The following ARF5 variants were observed in gnomAD, a reference collection of about 807,000 sequenced individuals.
ARF5 encodes the protein ADP-ribosylation factor 5.
Under a neutral mutation model 24.8 loss-of-function variants are expected in ARF5, and 10 were observed. The observed-to-expected ratio is 0.40, with a 90% CI of 0.25 to 0.68. ARF5 has a LOEUF of 0.68. Ranked by LOEUF, ARF5 falls within the 30% of genes least tolerant of loss-of-function variation. The pLI, the probability that ARF5 is intolerant of heterozygous loss-of-function variation, is 0.36. For missense variants in ARF5, 135 were observed against 239.2 expected, an observed-to-expected ratio of 0.56 and a Z score of 2.87; for synonymous variants, 102 against 95.1, an observed-to-expected ratio of 1.07 and a Z score of -0.42.
chr7:127,589,978 C>T, intron 3 of ARF5, 88 bp from the exon 4 acceptor site: 1 of 1,175,998 alleles, frequency 8.5e-7, no homozygotes, highest in East Asian at 2.3e-5. Flanking sequence ...GACACAATTA[C>T]AAATGGGAAG....
chr7:127,589,026 G>C (rs998980511), intron 1 of ARF5, 57 bp from the exon 2 acceptor site: 2 of 1,590,998 alleles, frequency 1.3e-6, no homozygotes, highest in African/African-American at 2.7e-5. Flanking sequence ...CCCTTTCCCT[G>C]GTCTCTAGGG....
At position 127,589,134 on chromosome 7, in the gene ARF5, G is replaced by T. The variant is rs1303907072; in HGVS notation, c.119G>T (p.Gly40Val). 1.9e-6 allele frequency: 3 copies of T among 1,614,110 alleles called. No homozygotes were observed. The Admixed American group carries it at 5.0e-5, about 27-fold the overall frequency. Residue 40 changes from glycine to valine, a missense_variant, in exon 2 of 6, where the codon GGG (glycine) becomes GTG (valine). Transcript: ENST00000000233. ...KTTILYKLKL[G>V]EIVTTIPTIG... ...ACAATCCTGTACAAACTGAAGTTGG[G>T]GGAGATTGTCACCACCATCCCAACC...
chr7:127,588,900 C>T (rs999161372), intron 1 of ARF5, 183 bp from the exon 2 acceptor site: 2 of 692,776 alleles, frequency 2.9e-6, no homozygotes, highest in African/African-American at 3.6e-5. Flanking sequence ...TCCGCGCCCT[C>T]TTTGGAGTTG....
Position 127,588,580 on chromosome 7 carries a change from G to A in ARF5, c.67+15G>A, listed in dbSNP as rs752172976. 2.9e-6 allele frequency: 4 copies of A among 1,396,002 alleles called. No individual in the cohort carries two copies. The highest frequency in any genetic ancestry group is 1.6e-5 in the South Asian group (1 of 63,786). 86.5% of individuals were successfully genotyped at this position (1,396,002 alleles called of 1,614,324 possible). On this transcript the variant is annotated intron_variant, in intron 1 of 5. Transcript: ENST00000000233. ...GATTCTCATGGGTGAGGCAGATCGA[G>A]CGCGCGGCCCGGACCGGGGCGCCGG...
intron 4 of ARF5, 46 bp downstream of exon 4, chr7:127,590,183 G>T: frequency 6.6e-7 from 1 of 1,516,816 alleles, no homozygotes; most frequent in Non-Finnish European, 9.2e-7. Flanking sequence ...CTTGGGGACA[G>T]AGTGATCTCT....
In ARF5 at chr7:127,588,421, T is replaced by C. The variant is rs563339826; in HGVS notation, c.-78T>C. 3.9e-5 allele frequency: 37 copies of C among 949,632 alleles called. No individual in the cohort carries two copies. In the South Asian group the frequency reaches 1.5e-3, roughly 39 times the overall value. The allele number at this position is 949,632 out of a possible 1,614,324, so 58.8% of individuals were successfully genotyped here. A position where few individuals can be genotyped will look rare whatever the true frequency, so the allele number is the denominator to read the frequency against. ...CGGCGGAGCCTCCTCCTGCTGCTGC[T>C]GCGCCCCATCCCCCCGCGGCCGGCC... is the stretch of plus-strand genomic sequence containing the variant. On this transcript the variant is annotated 5_prime_UTR_variant, in exon 1 of 6. Transcript: ENST00000000233.
intron 2 of ARF5, 92 bp downstream of exon 2, chr7:127,589,255 T>A: frequency 7.1e-7 from 1 of 1,414,598 alleles, no homozygotes; most frequent in African/African-American, 1.4e-5. Context: ...GAGCTGACCC[T>A]GACACCAGAT....
intron 3 of ARF5, 81 bp downstream of exon 3, chr7:127,589,675 G>C (rs1406001119): frequency 8.5e-7 from 1 of 1,174,540 alleles, no homozygotes; most frequent in African/African-American, 1.5e-5. Flanking sequence ...GCCTAGGCTG[G>C]GCCCCCAGGC....
chr7:127,588,464 C>T lies in ARF5; in HGVS notation c.-35C>T, dbSNP rs1281855077. 7.1e-7 allele frequency: 1 copy of T among 1,400,416 alleles called. No homozygotes were observed. Among genetic ancestry groups the T allele is most frequent in the Non-Finnish European group, 9.4e-7 (1 of 1,059,312 alleles). 86.7% of individuals were successfully genotyped at this position (1,400,416 alleles called of 1,614,324 possible). ...GGCCGGCCAGTTCCAGCCCGCACCC[C>T]GCGTCGGTGCCCGCGCCCCTCCCCG... is the stretch of plus-strand genomic sequence containing the variant. On this transcript the variant is annotated 5_prime_UTR_variant, in exon 1 of 6. Transcript: ENST00000000233.
At chr7:127,589,398 T>A in intron 2 of ARF5, 87 bp from the exon 3 acceptor site, 2 of 1,251,064 alleles carry the variant, frequency 1.6e-6, no homozygotes, top group Non-Finnish European at 2.3e-6. Context: ...TGCCTTCTGG[T>A]TTTGTGTCCC....
chr7:127,589,470 T>C lies in ARF5; in HGVS notation c.149-15T>C, dbSNP rs568951415. The C allele has an allele frequency of 4.4e-5, 70 of 1,591,074 alleles. No homozygotes were observed. In the African/African-American group the frequency reaches 7.2e-4, roughly 16 times the overall value. On this transcript the variant is annotated splice_polypyrimidine_tract_variant and intron_variant, in intron 2 of 5. Transcript: ENST00000000233. ...TTCAGGAGTTTTCTCATCTTTTTTT[T>C]CCAATTATCTGCAGGCTTCAATGTA...
intron 4 of ARF5, among the ~76,000 whole-genome samples, chr7:127,590,633 G>A (rs1469963269): frequency 2.0e-5 from 3 of 152,212 alleles, no homozygotes; most frequent in Non-Finnish European, 4.4e-5. Context: ...GCGCCCGGCC[G>A]CATTCTCATG....
Position 127,588,509 on chromosome 7 carries a change from C to T in ARF5, c.11C>T (p.Thr4Ile), listed in dbSNP as rs965631736. Reference protein sequence around the residue: MGLTVSALFSRIFG... With the variant: MGLIVSALFSRIFG... ...TCCCCGGGCCCCGCCATGGGCCTCA[C>T]CGTGTCCGCGCTCTTTTCGCGGATC... is the stretch of plus-strand genomic sequence containing the variant. Residue 4 changes from threonine to isoleucine, a missense_variant, in exon 1 of 6, where the codon ACC (threonine) becomes ATC (isoleucine). This residue lies in a region of ARF5 where 25 missense variants were observed against 30.6 expected (regional missense o/e 0.82). Transcript: ENST00000000233. 13 of 1,473,020 alleles carry T rather than the reference C, an allele frequency of 8.8e-6. No homozygotes were observed. The highest frequency in any genetic ancestry group is 1.2e-5 in the Non-Finnish European group (13 of 1,103,174). 91.2% of individuals were successfully genotyped at this position (1,473,020 alleles called of 1,614,324 possible).
chr7:127,589,739 C>G, intron 3 of ARF5, 145 bp downstream of exon 3: 1 of 655,286 alleles, frequency 1.5e-6, no homozygotes, highest in South Asian at 1.9e-5. Flanking sequence ...ATCCCCTACT[C>G]ACTCTTCAGA....
intron 4 of ARF5, 110 bp from the exon 5 acceptor site, chr7:127,590,853 C>A: frequency 7.1e-7 from 1 of 1,405,606 alleles, no homozygotes; most frequent in Non-Finnish European, 9.6e-7. Flanking sequence ...CAACGGCAGA[C>A]TGCACAATAC....
chr7:127,591,200 C>G lies in ARF5; in HGVS notation c.457-13C>G, dbSNP rs755339407. On this transcript the variant is annotated splice_polypyrimidine_tract_variant and intron_variant, in intron 5 of 5. Coordinates refer to ENST00000000233, the MANE Select transcript of ARF5 (RefSeq NM_001662.4). The stretch of plus-strand genomic sequence containing the variant: ...TCCTGGTTGCTGACCTCTTTCTTTC[C>G]TTTTCCCCACAGTGGTATGTCCAGG... The G allele has an allele frequency of 5.0e-6, 8 of 1,607,264 alleles. No homozygotes were observed. The highest frequency in any genetic ancestry group is 1.3e-5 in the African/African-American group (1 of 74,374).
Position 127,588,830 on chromosome 7 carries a change from C to T in ARF5, c.68-253C>T, listed in dbSNP as rs1794242036. 4 of 572,268 alleles carry T rather than the reference C, an allele frequency of 7.0e-6. No individual in the cohort carries two copies. The South Asian group carries it at 9.2e-5, about 13-fold the overall frequency. The allele number at this position is 572,268 out of a possible 1,614,324, so 35.4% of individuals were successfully genotyped here. The stretch of plus-strand genomic sequence containing the variant: ...GAAGGGAGGATTCCGCCCTTGGAGA[C>T]GACTTTTAAAACGAGCGCGGCCTAC... On this transcript the variant is annotated intron_variant, in intron 1 of 5. Coordinates refer to ENST00000000233, the MANE Select transcript of ARF5 (RefSeq NM_001662.4).
At chr7:127,588,696 C>A in intron 1 of ARF5, 131 bp downstream of exon 1, 2 of 909,822 alleles carry the variant, frequency 2.2e-6, no homozygotes, top group Non-Finnish European at 3.0e-6. Flanking sequence ...CGCCCCGGGG[C>A]CTCTGCTCTC....
chr7:127,589,832 A>T, intron 3 of ARF5: 1 of 607,992 alleles, frequency 1.6e-6, no homozygotes, highest in South Asian at 2.0e-5. Context: ...CCCTCATAAC[A>T]TGTCTTTATT....
Sources: allele counts gnomAD v4.1 joint callset (sites outside exome capture counted in the v4.1 genomes callset), GRCh38; gene constraint gnomAD v4.1.1; regional missense constraint gnomAD v4.1.1; transcripts MANE v1.5; gene names NCBI Gene and HGNC (gene_info 2026-07-23, HGNC 2026-07-21).